The following MALRD1 variants were observed in gnomAD, a reference collection of about 807,000 sequenced individuals.
MALRD1 encodes MAM and LDL-receptor class A domain-containing protein 1.
Under a neutral mutation model 242.1 loss-of-function variants are expected in MALRD1, and 247 were observed. That is an observed-to-expected ratio of 1.02 (90% confidence interval 0.92 to 1.13). The LOEUF (loss-of-function observed/expected upper bound fraction) is 1.13. Ranked by LOEUF, MALRD1 falls within the 50% of genes most tolerant of loss-of-function variation. The pLI is 0.00. For synonymous variants in MALRD1, 995 were observed against 866.6 expected, an observed-to-expected ratio of 1.15 and a Z score of -2.60; for missense variants, 2,989 against 2,533.1, an observed-to-expected ratio of 1.18 and a Z score of -3.86.
chr10:19,676,426 T>C (rs1842142271), intron 36 of MALRD1, among the ~76,000 whole-genome samples: 1 of 152,172 alleles, frequency 6.6e-6, no homozygotes, highest in African/African-American at 2.4e-5. Flanking sequence ...GATAAAGCGA[T>C]GGAGTGAATA....
chr10:19,478,294 C>T (rs1341674167), intron 29 of MALRD1, among the ~76,000 whole-genome samples: 2 of 152,186 alleles, frequency 1.3e-5, no homozygotes, highest in Non-Finnish European at 2.9e-5. Context: ...GTAAGATGCT[C>T]AGTTGAACCT....
intron 27 of MALRD1, 129 bp downstream of exon 27, chr10:19,387,902 TAGTG>T: frequency 8.4e-7 from 1 of 1,193,876 alleles, no homozygotes; most frequent in South Asian, 1.6e-5. Context: ...ATCAAACATT[TAGTG>T]AGTGTTTTTT....
intron 14 of MALRD1, among the ~76,000 whole-genome samples, chr10:19,194,779 A>C (rs967931774): frequency 6.6e-6 from 1 of 151,960 alleles, no homozygotes; most frequent in Admixed American, 6.6e-5. Context: ...TCTCCTCCAA[A>C]ATTTACTTAA....
intron 6 of MALRD1, 148 bp downstream of exon 6, chr10:19,123,741 A>G (rs970049648): frequency 2.4e-6 from 1 of 409,172 alleles, no homozygotes; most frequent in Admixed American, 4.4e-5. Flanking sequence ...GTGGTGGTTT[A>G]TACTAAATAT....
chr10:19,290,402 A>G (rs1588860617), intron 21 of MALRD1: 1 of 152,168 alleles, frequency 6.6e-6, no homozygotes, highest in African/African-American at 2.4e-5. Flanking sequence ...GCAGGGCTCA[A>G]CTGAGGTTAC....
chr10:19,604,478 G>A (rs751721016), intron 34 of MALRD1, among the ~76,000 whole-genome samples: 13 of 152,142 alleles, frequency 8.5e-5, no homozygotes, highest in Non-Finnish European at 1.6e-4. Flanking sequence ...TGGAAGAAAA[G>A]CTAGAAGATA....
At chr10:19,555,265 A>G (rs556041308) in intron 32 of MALRD1, among the ~76,000 whole-genome samples, 3 of 152,228 alleles carry the variant, frequency 2.0e-5, no homozygotes, top group East Asian at 1.9e-4. Flanking sequence ...ACCTCCTACC[A>G]GGCTCACCTT....
intron 31 of MALRD1, among the ~76,000 whole-genome samples, chr10:19,504,598 C>T (rs1838114413): frequency 6.6e-6 from 1 of 151,620 alleles, no homozygotes; most frequent in East Asian, 1.9e-4. Flanking sequence ...GACATACTTG[C>T]ACACACACTC....
At chr10:19,539,952 A>C (rs144295834) in intron 32 of MALRD1, among the ~76,000 whole-genome samples, 2,310 of 149,578 alleles carry the variant, frequency 0.015, 67 homozygotes, top group African/African-American at 0.054. Context: ...CATGTTGCCC[A>C]GGCTGGTCTT....
Position 19,157,692 on chromosome 10 carries a change from A to G in MALRD1, c.1656+2520A>G, listed in dbSNP as rs561938072. Among the ~76,000 whole-genome samples the G allele has an allele frequency of 1.6e-4, 24 of 152,320 alleles. No homozygotes were observed. In the South Asian group the frequency reaches 1.9e-3, roughly 12 times the overall value. On this transcript the variant is annotated intron_variant, in intron 12 of 39. Coordinates refer to ENST00000454679, the MANE Select transcript of MALRD1 (RefSeq NM_001142308.3). Reference sequence around the variant, plus strand: ...GAACCAATGTTCTTCATTATAAGGTAGTAGAGTCAAGCAGTGAGATAACCA... The same window carrying G: ...GAACCAATGTTCTTCATTATAAGGTGGTAGAGTCAAGCAGTGAGATAACCA...
intron 1 of MALRD1, among the ~76,000 whole-genome samples, chr10:19,059,799 T>A (rs1344075035): frequency 6.6e-6 from 1 of 152,218 alleles, no homozygotes; most frequent in Non-Finnish European, 1.5e-5. Context: ...GAAAGCAAGA[T>A]AATATTAGGC....
chr10:19,513,591 T>C (rs1042486775), intron 31 of MALRD1, among the ~76,000 whole-genome samples: 4 of 151,930 alleles, frequency 2.6e-5, no homozygotes, highest in African/African-American at 9.7e-5. Context: ...TACAAAAAAT[T>C]AGCCAGGCGT....
chr10:19,419,619 T>C (rs111494979), intron 28 of MALRD1, among the ~76,000 whole-genome samples: 4,076 of 152,226 alleles, frequency 0.027, 177 homozygotes, highest in African/African-American at 0.092. Flanking sequence ...CATGCCCGGC[T>C]GATTTTCCTT....
intron 1 of MALRD1, among the ~76,000 whole-genome samples, chr10:19,058,802 C>T (rs1156398336): frequency 6.6e-6 from 1 of 151,554 alleles, no homozygotes; most frequent in Non-Finnish European, 1.5e-5. Context: ...CAATTGAAAA[C>T]AAAAAGCTGC....
chr10:19,174,012 G>A (rs1416482630), intron 13 of MALRD1, among the ~76,000 whole-genome samples: 1 of 151,988 alleles, frequency 6.6e-6, no homozygotes, highest in East Asian at 1.9e-4. Context: ...GTGACATAGG[G>A]GCCTTCAAAA....
At chr10:19,637,765 C>T (rs1300142781) in intron 36 of MALRD1, among the ~76,000 whole-genome samples, 2 of 152,124 alleles carry the variant, frequency 1.3e-5, no homozygotes, top group East Asian at 1.9e-4. Flanking sequence ...CCTTGAAAAG[C>T]AGCCAGGTGA....
At chr10:19,542,352 GT>G (rs1206629146) in intron 32 of MALRD1, among the ~76,000 whole-genome samples, 24 of 151,972 alleles carry the variant, frequency 1.6e-4, no homozygotes, top group African/African-American at 5.3e-4. Context: ...CAGAGTCTGG[GT>G]TTAATGCCTC....
At chr10:19,294,135 C>T (rs1841579949) in intron 21 of MALRD1, among the ~76,000 whole-genome samples, 1 of 152,018 alleles carries the variant, frequency 6.6e-6, no homozygotes. Flanking sequence ...TTTTATATCT[C>T]GTTTACAATT....
intron 33 of MALRD1, among the ~76,000 whole-genome samples, chr10:19,573,105 C>T (rs1445168730): frequency 6.7e-6 from 1 of 150,052 alleles, no homozygotes; most frequent in Non-Finnish European, 1.5e-5. Flanking sequence ...CTTTCTGTCT[C>T]TCTTGTTTGC....
Sources: allele counts gnomAD v4.1 joint callset (sites outside exome capture counted in the v4.1 genomes callset), GRCh38; gene constraint gnomAD v4.1.1; transcripts MANE v1.5; gene names NCBI Gene and HGNC (gene_info 2026-07-23, HGNC 2026-07-21).